The following OCA2 variants were observed in gnomAD, a reference collection of about 807,000 sequenced individuals.
The protein encoded by OCA2 is OCA2 melanosomal transmembrane protein.
In OCA2, 77 loss-of-function variants were observed where a neutral mutation model predicts 100.2. That is an observed-to-expected ratio of 0.77 (90% CI 0.64 to 0.93). The LOEUF is 0.93. Ranked by LOEUF, OCA2 falls within the 40% of genes least tolerant of loss-of-function variation. The pLI, the probability that OCA2 is intolerant of heterozygous loss-of-function variation, is 0.00. For missense variants in OCA2, 1,062 were observed against 1,089.1 expected (o/e 0.98, Z 0.35); for synonymous variants, 432 against 439.2 (o/e 0.98, Z 0.21).
the OCA2 span, among the ~76,000 whole-genome samples, chr15:27,749,284 C>A: frequency 6.6e-6 from 1 of 152,078 alleles, no homozygotes; most frequent in African/African-American, 2.4e-5. Flanking sequence ...TCATTAGAGA[C>A]CATATGGGCA....
At chr15:28,079,400 T>C (rs891111553) in intron 2 of OCA2, among the ~76,000 whole-genome samples, 2 of 152,090 alleles carry the variant, frequency 1.3e-5, no homozygotes, top group African/African-American at 2.4e-5. Context: ...AGTGCTGGGA[T>C]ACTGTGTACA....
chr15:27,896,000 T>C, intron 19 of OCA2: 1 of 910,376 alleles, frequency 1.1e-6, no homozygotes, highest in Non-Finnish European at 1.8e-6. Flanking sequence ...TGCGGTGTAT[T>C]GTACTGGCCT....
chr15:27,852,558 A>C lies in OCA2; in HGVS notation c.2245-1083T>G, dbSNP rs1490569924. ...ACACCAAAAGCAATGGCAACAAAAGACAAAATTGACAAATGGGATTAATTA... is the reference window on the plus strand; with the variant it reads ...ACACCAAAAGCAATGGCAACAAAAGCCAAAATTGACAAATGGGATTAATTA... On this transcript the variant is annotated intron_variant, in intron 21 of 23. Transcript: ENST00000354638. Among the ~76,000 whole-genome samples the C allele has an allele frequency of 2.8e-3, 422 of 152,308 alleles. 2 individuals are homozygous for C. The highest frequency in any genetic ancestry group is 9.7e-3 in the African/African-American group (402 of 41,556).
intron 23 of OCA2, among the ~76,000 whole-genome samples, chr15:27,809,990 C>T (rs1595448073): frequency 1.3e-5 from 2 of 152,272 alleles, no homozygotes; most frequent in South Asian, 4.1e-4. Context: ...AATGCGAACA[C>T]TATTTTTTAC....
intron 19 of OCA2, among the ~76,000 whole-genome samples, chr15:27,881,460 C>G (rs1377520486): frequency 2.6e-5 from 4 of 152,130 alleles, no homozygotes; most frequent in African/African-American, 9.7e-5. Context: ...CTTTGTACCT[C>G]TGGTAGAATT....
intron 23 of OCA2, among the ~76,000 whole-genome samples, chr15:27,757,306 G>A (rs1217730705): frequency 6.6e-6 from 1 of 152,230 alleles, no homozygotes; most frequent in Non-Finnish European, 1.5e-5. Flanking sequence ...ATGGCAACCT[G>A]CCATTAGTAG....
intron 9 of OCA2, among the ~76,000 whole-genome samples, chr15:28,012,545 C>T (rs990299553): frequency 3.3e-5 from 5 of 152,016 alleles, no homozygotes; most frequent in African/African-American, 9.7e-5. Context: ...GGGTGGAAAC[C>T]ATGTCGAACT....
At chr15:27,939,965 G>A (rs1276200637) in intron 18 of OCA2, among the ~76,000 whole-genome samples, 1 of 152,228 alleles carries the variant, frequency 6.6e-6, no homozygotes. Flanking sequence ...ACTGCAGTGA[G>A]CTGCATTCCA....
chr15:28,024,981 G>C (rs1433497125), intron 4 of OCA2, 79 bp from the exon 5 acceptor site: 1 of 1,300,062 alleles, frequency 7.7e-7, no homozygotes, highest in Non-Finnish European at 1.1e-6. Flanking sequence ...CTGCAGCCTT[G>C]AGTAACTTCC....
intron 21 of OCA2, among the ~76,000 whole-genome samples, chr15:27,860,092 A>G (rs1309648732): frequency 1.3e-5 from 2 of 152,224 alleles, no homozygotes; most frequent in Non-Finnish European, 2.9e-5. Context: ...ATGAATAAGT[A>G]AAATACACAG....
chr15:27,885,404 C>T (rs1242832419), intron 19 of OCA2, among the ~76,000 whole-genome samples: 1 of 152,060 alleles, frequency 6.6e-6, no homozygotes, highest in Admixed American at 6.5e-5. Context: ...CCCTTCACAC[C>T]CAAAGGAGGA....
intron 19 of OCA2, among the ~76,000 whole-genome samples, chr15:27,896,986 C>A (rs1420206436): frequency 1.3e-5 from 2 of 152,014 alleles, no homozygotes; most frequent in Non-Finnish European, 2.9e-5. Context: ...GTCAGGAGAT[C>A]CAGATCATCC....
At chr15:28,006,768 G>C (rs1050335224) in intron 9 of OCA2, among the ~76,000 whole-genome samples, 5 of 152,122 alleles carry the variant, frequency 3.3e-5, no homozygotes, top group African/African-American at 1.2e-4. Context: ...TGAATGAGGG[G>C]GCAGAGCCAA....
At chr15:27,870,688 G>T (rs2036513672) in intron 21 of OCA2, among the ~76,000 whole-genome samples, 1 of 87,532 alleles carries the variant, frequency 1.1e-5, no homozygotes, top group Non-Finnish European at 2.0e-5. Context: ...AGGAAAGAAG[G>T]AAGGAAGGAA....
chr15:27,982,223 C>T (rs1352656249), intron 14 of OCA2, among the ~76,000 whole-genome samples: 1 of 152,146 alleles, frequency 6.6e-6, no homozygotes, highest in Non-Finnish European at 1.5e-5. Context: ...AAGAATTTAC[C>T]TCTGGTTTTT....
intron 23 of OCA2, among the ~76,000 whole-genome samples, chr15:27,802,113 T>C (rs1456809951): frequency 6.6e-6 from 1 of 152,150 alleles, no homozygotes; most frequent in Non-Finnish European, 1.5e-5. Flanking sequence ...GGCTGCAGGA[T>C]ATAAGATCCA....
intron 14 of OCA2, among the ~76,000 whole-genome samples, chr15:27,980,458 T>C (rs1306579360): frequency 6.6e-6 from 1 of 152,212 alleles, no homozygotes; most frequent in Non-Finnish European, 1.5e-5. Flanking sequence ...AATTTCCCCA[T>C]GTAGTTACCC....
Position 27,891,926 on chromosome 15 carries a change from T to C in OCA2, c.2080-20004A>G, listed in dbSNP as rs180957726. Among the ~76,000 whole-genome samples, 196 of 152,220 alleles carry C rather than the reference T, an allele frequency of 1.3e-3. 1 individual carries two copies. The highest frequency in any genetic ancestry group is 3.9e-3 in the African/African-American group (161 of 41,558). ...AAATCTAAGCAAGAGACTATATTAA[T>C]ACCAGCTAAGTAGACTTCAAAATAA... On this transcript the variant is annotated intron_variant, in intron 19 of 23. Transcript: ENST00000354638.
chr15:27,845,686 C>T (rs6497245), intron 22 of OCA2, among the ~76,000 whole-genome samples: 75,526 of 151,972 alleles, frequency 0.5, 20,038 homozygotes, highest in African/African-American at 0.7. Flanking sequence ...CCAGGGAAGG[C>T]CCAGGAGCCT....
Sources: gnomAD v4.1 joint callset for allele counts (sites outside exome capture counted in the v4.1 genomes callset) on GRCh38, gnomAD v4.1.1 for gene constraint, MANE v1.5 for transcripts, NCBI Gene and HGNC (gene_info 2026-07-23, HGNC 2026-07-21) for gene names.